The following JMJD1C variants were observed in gnomAD, a reference collection of about 807,000 sequenced individuals.
JMJD1C encodes the protein jumonji domain containing 1C.
JMJD1C carries 31 observed loss-of-function variants against 245.3 expected under a neutral mutation model. The ratio of observed to expected loss-of-function variants is 0.13; its 90% confidence interval spans 0.09 to 0.17. The LOEUF is 0.17. JMJD1C is among the 10% of genes least tolerant of loss of function. The pLI, the probability that JMJD1C is intolerant of heterozygous loss-of-function variation, is 1.00. For missense variants in JMJD1C, 2,691 were observed against 3,000.2 expected (o/e 0.90, Z 2.41); for synonymous variants, 1,057 against 1,017.4 (o/e 1.04, Z -0.74).
At chr10:63,412,391 T>C (rs72837006) in intron 1 of JMJD1C, among the ~76,000 whole-genome samples, 66 of 152,344 alleles carry the variant, frequency 4.3e-4, no homozygotes, top group Non-Finnish European at 9.0e-4. Context: ...GTTTGCGAGA[T>C]TGCACTAAAC....
At chr10:63,404,111 T>A (rs759234206) in intron 1 of JMJD1C, among the ~76,000 whole-genome samples, 1 of 151,234 alleles carries the variant, frequency 6.6e-6, no homozygotes, top group Non-Finnish European at 1.5e-5. Context: ...CAAGACTCCA[T>A]CTCAAAAAAA....
At chr10:63,278,493 T>A (rs1381645945) in intron 2 of JMJD1C, among the ~76,000 whole-genome samples, 2 of 150,482 alleles carry the variant, frequency 1.3e-5, no homozygotes, top group Non-Finnish European at 3.0e-5. Context: ...CACTGCACTC[T>A]GGCCTGGGCG....
chr10:63,400,289 G>C (rs949187248), intron 1 of JMJD1C, among the ~76,000 whole-genome samples: 1 of 152,054 alleles, frequency 6.6e-6, no homozygotes, highest in African/African-American at 2.4e-5. Context: ...GGATTTCCTA[G>C]ATCAAAGATG....
intron 3 of JMJD1C, among the ~76,000 whole-genome samples, chr10:63,227,714 G>C (rs1474078430): frequency 1.3e-5 from 2 of 152,116 alleles, no homozygotes; most frequent in African/African-American, 2.4e-5. Context: ...GATAGTATAA[G>C]AGTTACCATA....
Position 63,441,351 on chromosome 10 carries a change from T to G in JMJD1C, c.168+24144A>C, listed in dbSNP as rs553575958. On this transcript the variant is annotated intron_variant, in intron 1 of 25. Transcript: ENST00000399262. ...CAAATACTAGTTATCAGTTATAATA[T>G]GCATGAGCTGGAGAAATTCTTCTAG... is the stretch of plus-strand genomic sequence containing the variant. Among the ~76,000 whole-genome samples, 18 of 152,300 alleles carry G rather than the reference T, an allele frequency of 1.2e-4. No homozygotes were observed. In the East Asian group the frequency reaches 3.5e-3, roughly 29 times the overall value.
chr10:63,453,369 T>C (rs1043241643), intron 1 of JMJD1C, among the ~76,000 whole-genome samples: 3 of 152,116 alleles, frequency 2.0e-5, no homozygotes, highest in African/African-American at 4.8e-5. Context: ...TTATTGAAAA[T>C]GAAGAGTAAT....
rs558097859 is a variant in JMJD1C, at chr10:63,350,597, T to G, written c.333+29721A>C. Among the ~76,000 whole-genome samples the G allele has an allele frequency of 2.0e-5, 3 of 149,736 alleles. No individual in the cohort carries two copies. In the South Asian group the frequency reaches 6.3e-4, roughly 32 times the overall value. The stretch of plus-strand genomic sequence containing the variant: ...AAGCAGTCACCCATAATTAAACAGC[T>G]AGTGAGCTGCAGAACCAACTTTTTT... On this transcript the variant is annotated intron_variant, in intron 2 of 25. Transcript: ENST00000399262.
chr10:63,390,770 A>G (rs901047050), intron 1 of JMJD1C, among the ~76,000 whole-genome samples: 1 of 152,208 alleles, frequency 6.6e-6, no homozygotes, highest in Admixed American at 6.5e-5. Context: ...ATAGGCACAG[A>G]AGAAGTATTT....
Position 63,207,976 on chromosome 10 carries a change from A to T in JMJD1C, c.3693T>A (p.Thr1231=). 1 of 1,614,158 alleles carries T rather than the reference A, an allele frequency of 6.2e-7. No homozygotes were observed. Among genetic ancestry groups the T allele is most frequent in the Non-Finnish European group, 8.5e-7 (1 of 1,180,002 alleles). Residue 1231 remains threonine, a synonymous_variant, in exon 10 of 26, where the codon ACT becomes ACA. Coordinates refer to ENST00000399262, the MANE Select transcript of JMJD1C (RefSeq NM_032776.3). ...CATTTACTGGCATCACCGGAGTTAA[A>T]GTTGGAGGGGAAAGACTACTATAGC... is the stretch of plus-strand genomic sequence containing the variant. ...EGSYSSLSPP[T]LTPVMPVNAG...
intron 1 of JMJD1C, among the ~76,000 whole-genome samples, chr10:63,401,403 A>C (rs1193712339): frequency 6.6e-6 from 1 of 152,052 alleles, no homozygotes; most frequent in Non-Finnish European, 1.5e-5. Flanking sequence ...GTTTCTTTTT[A>C]GATACTGTAC....
At chr10:63,511,566 CG>C (rs983883635) in intron 1 of JMJD1C, among the ~76,000 whole-genome samples, 3 of 151,986 alleles carry the variant, frequency 2.0e-5, no homozygotes, top group African/African-American at 7.3e-5. Flanking sequence ...AAAAATTAGC[CG>C]GGCGCAGTGG....
chr10:63,395,222 T>C (rs914327773), intron 1 of JMJD1C, among the ~76,000 whole-genome samples: 6 of 152,184 alleles, frequency 3.9e-5, no homozygotes, highest in Admixed American at 1.3e-4. Flanking sequence ...CTCATGCCTG[T>C]AATCCCAGCA....
upstream of JMJD1C, among the ~76,000 whole-genome samples, chr10:63,467,588 TGA>T (rs1186378157): frequency 6.6e-6 from 1 of 152,240 alleles, no homozygotes; most frequent in Admixed American, 6.5e-5. Context: ...ATCGGCAAGT[TGA>T]GAGAAAAAAT....
At chr10:63,467,576 A>G (rs560145971), upstream of JMJD1C, among the ~76,000 whole-genome samples, 3 of 152,390 alleles carry the variant, frequency 2.0e-5, no homozygotes, top group East Asian at 3.9e-4. Flanking sequence ...CCAAAAATGC[A>G]TATCGGCAAG....
rs1776855577 is a variant in JMJD1C, at chr10:63,465,963, G to C, written c.-301C>G. 5.9e-6 allele frequency: 3 copies of C among 511,978 alleles called. No individual in the cohort carries two copies. The Admixed American group carries it at 8.8e-5, about 15-fold the overall frequency. 31.7% of individuals were successfully genotyped at this position (511,978 alleles called of 1,614,324 possible). ...GAGGCAGCCCAGCCGCCGCCACCGCGCCGCGGCCAGTACTGCTCCGTCTCC... is the reference window on the plus strand; with the variant it reads ...GAGGCAGCCCAGCCGCCGCCACCGCCCCGCGGCCAGTACTGCTCCGTCTCC... On this transcript the variant is annotated 5_prime_UTR_variant, in exon 1 of 26. Transcript: ENST00000399262.
chr10:63,324,691 T>C (rs1941314294), intron 2 of JMJD1C, among the ~76,000 whole-genome samples: 1 of 152,194 alleles, frequency 6.6e-6, no homozygotes, highest in African/African-American at 2.4e-5. Context: ...TGTGTGAGTG[T>C]AGAAATGGCA....
At chr10:63,467,309 G>C (rs986810657), upstream of JMJD1C, among the ~76,000 whole-genome samples, 5 of 152,058 alleles carry the variant, frequency 3.3e-5, no homozygotes, top group African/African-American at 1.2e-4. Flanking sequence ...GACCAGCCTG[G>C]CCAACATGAT....
chr10:63,447,025 G>C (rs1951756655), intron 1 of JMJD1C, among the ~76,000 whole-genome samples: 1 of 151,540 alleles, frequency 6.6e-6, no homozygotes, highest in Non-Finnish European at 1.5e-5. Flanking sequence ...TATTTGTGAG[G>C]GATAGGTATA....
chr10:63,505,167 A>G (rs1954679870), intron 1 of JMJD1C, among the ~76,000 whole-genome samples: 1 of 151,872 alleles, frequency 6.6e-6, no homozygotes, highest in African/African-American at 2.4e-5. Context: ...TTTTTAAAAA[A>G]TTAGCTGGGA....
Sources: gnomAD v4.1 joint callset for allele counts (sites outside exome capture counted in the v4.1 genomes callset) on GRCh38, gnomAD v4.1.1 for gene constraint, MANE v1.5 for transcripts, NCBI Gene and HGNC (gene_info 2026-07-23, HGNC 2026-07-21) for gene names.